The following CYP4F2 variants were observed in gnomAD, a reference collection of about 807,000 sequenced individuals.
CYP4F2 encodes cytochrome P450 family 4 subfamily F member 2, also known as cytochrome P450 4F2.
A neutral mutation model predicts 58.9 loss-of-function variants in CYP4F2; 58 were observed. That is an observed-to-expected ratio of 0.98 (90% CI 0.80 to 1.23). CYP4F2 has a LOEUF of 1.23. Among genes scored for constraint, CYP4F2 ranks in the 50% most tolerant of loss-of-function variants. The probability of loss-of-function intolerance (pLI) is 0.00; values close to 1 mark genes in which losing one functional copy is unlikely to be tolerated. For synonymous variants in CYP4F2, 287 were observed against 261.1 expected, an observed-to-expected ratio of 1.10 and a Z score of -0.95; for missense variants, 616 against 685.6, an observed-to-expected ratio of 0.90 and a Z score of 1.13.
chr19:15,897,413 C>A lies in CYP4F2; in HGVS notation c.198+1G>T. On this transcript the variant is annotated splice_donor_variant, in intron 2 of 12. Transcript: ENST00000221700. LOFTEE classifies it high-confidence loss of function. ...TAGACCCATCCTGCTGCCACACTCA[C>A]CATGCCCTGGTGTCCCCAAAACCAG... 1 of 1,611,226 alleles carries A rather than the reference C, an allele frequency of 6.2e-7. No homozygotes were observed. The highest frequency in any genetic ancestry group is 2.2e-5 in the East Asian group (1 of 44,696).
At chr19:15,888,488 A>T (rs528323364) in intron 7 of CYP4F2, among the ~76,000 whole-genome samples, 1 of 152,334 alleles carries the variant, frequency 6.6e-6, no homozygotes, top group Admixed American at 6.5e-5. Context: ...AAACACAGAC[A>T]CACAAATACA....
chr19:15,890,240 T>C, intron 6 of CYP4F2, 72 bp downstream of exon 6: 1 of 1,610,458 alleles, frequency 6.2e-7, no homozygotes. Flanking sequence ...GTTTCCCTGC[T>C]TAGTCCTCCC....
rs2144999413 is a variant in CYP4F2 at position 15,879,651 on chromosome 19, T to C, written c.1267A>G (p.Ser423Gly). 1 of 1,614,024 alleles carries C rather than the reference T, an allele frequency of 6.2e-7. No individual in the cohort carries two copies. The highest frequency in any genetic ancestry group is 8.5e-7 in the Non-Finnish European group (1 of 1,179,984). ...VIPKGIICLI[S>G]VFGTHHNPAV... ...GGGTTGTGATGGGTTCCGAAAACAC[T>C]GATGAGGCAGATAATGCCTGTGGGA... The change falls in exon 11 of 13, where the codon AGT becomes GGT. Residue 423 changes from serine (S) to glycine (G), a missense_variant. Physicochemically the swap from Ser to Gly is moderately conservative, Grantham distance 56 (BLOSUM62 0). Transcript: ENST00000221700.
intron 9 of CYP4F2, among the ~76,000 whole-genome samples, chr19:15,883,759 A>G (rs2145003119): frequency 6.6e-6 from 1 of 152,298 alleles, no homozygotes; most frequent in Admixed American, 6.5e-5. Flanking sequence ...CATCAACTGA[A>G]TGGATAAAGA....
intron 9 of CYP4F2, among the ~76,000 whole-genome samples, chr19:15,880,936 C>A (rs1321724404): frequency 6.6e-6 from 1 of 152,158 alleles, no homozygotes; most frequent in Non-Finnish European, 1.5e-5. Flanking sequence ...TGCAAATGTT[C>A]TTTGATTCAG....
At chr19:15,892,002 A>G (rs1412207901) in intron 5 of CYP4F2, among the ~76,000 whole-genome samples, 1 of 152,220 alleles carries the variant, frequency 6.6e-6, no homozygotes, top group Admixed American at 6.5e-5. Flanking sequence ...GTGGTTTCTT[A>G]TCAGCAACAG....
At chr19:15,896,233 G>GCTAGCTAT (rs1555775271) in intron 2 of CYP4F2, among the ~76,000 whole-genome samples, 2 of 148,374 alleles carry the variant, frequency 1.3e-5, no homozygotes, top group East Asian at 2.0e-4. Flanking sequence ...TATCCTATTA[G>GCTAGCTAT]CTATCTATCT....
chr19:15,879,763 C>A lies in CYP4F2; in HGVS notation c.1249+1G>T. ...ACTCCTCCCCGTGAGGCTGTGAGCA[C>A]CTTTGGGGATGACCCGGCCGTCTGG... On this transcript the variant is annotated splice_donor_variant, in intron 10 of 12. Transcript: ENST00000221700. LOFTEE classifies it high-confidence loss of function. 1.2e-6 allele frequency: 2 copies of A among 1,614,128 alleles called. No homozygotes were observed. Among genetic ancestry groups the A allele is most frequent in the African/African-American group, 1.3e-5 (1 of 75,042 alleles).
chr19:15,892,286 G>A (rs1375414629), intron 5 of CYP4F2, 23 bp downstream of exon 5: 7 of 1,614,026 alleles, frequency 4.3e-6, no homozygotes, highest in Non-Finnish European at 5.9e-6. Flanking sequence ...CTGCAAGTGG[G>A]ACCTTGGCTT....
chr19:15,885,166 A>G, intron 9 of CYP4F2, among the ~76,000 whole-genome samples: 1 of 146,252 alleles, frequency 6.8e-6, no homozygotes. Flanking sequence ...CAAAGACCCC[A>G]GGCAGTCTTC....
rs3093171 is a variant in CYP4F2 at position 15,885,118 on chromosome 19, G to A, written c.1115+806C>T. Among the ~76,000 whole-genome samples the A allele has an allele frequency of 3.4e-3, 492 of 145,620 alleles. 3 individuals carry two copies. The highest frequency in any genetic ancestry group is 0.012 in the African/African-American group (463 of 39,130). On this transcript the variant is annotated intron_variant, in intron 9 of 12. Transcript: ENST00000221700. ...CTCTCTCCTTCTCTCTCTCTCCCTC[G>A]CTCTCCTCTCTCTCTTCCTCCCTCT...
intron 7 of CYP4F2, 113 bp from the exon 8 acceptor site, chr19:15,886,421 A>G: frequency 7.1e-7 from 1 of 1,410,164 alleles, no homozygotes; most frequent in Non-Finnish European, 9.8e-7. Context: ...TCCTTTTTCC[A>G]GAAATCCAAG....
intron 2 of CYP4F2, among the ~76,000 whole-genome samples, chr19:15,896,858 A>C (rs972958314): frequency 6.6e-5 from 10 of 152,228 alleles, no homozygotes; most frequent in Non-Finnish European, 1.5e-4. Flanking sequence ...AGAAAGGCCA[A>C]GGAAAGCTTC....
chr19:15,893,296 A>G (rs973033665), intron 3 of CYP4F2, among the ~76,000 whole-genome samples: 1 of 151,960 alleles, frequency 6.6e-6, no homozygotes, highest in African/African-American at 2.4e-5. Flanking sequence ...ACCTCACACA[A>G]CCCCCAGACC....
At chr19:15,879,469 C>A (rs1421084850) in intron 11 of CYP4F2, 41 bp from the exon 12 acceptor site, 1 of 1,612,326 alleles carries the variant, frequency 6.2e-7, no homozygotes, top group East Asian at 2.2e-5. Context: ...TGGGGTCTCC[C>A]AGTCCGCCAG....
In CYP4F2 at chr19:15,886,326, A is replaced by AT; in HGVS notation, c.919-19_919-18insA. Reference sequence around the variant, plus strand: ...TCTTCATCCTGGAGAGAAGGCAGTAACCCCCCCCAACCCCCACCCCCATAA... The same window carrying AT: ...TCTTCATCCTGGAGAGAAGGCAGTAATCCCCCCCCAACCCCCACCCCCATAA... On this transcript the variant is annotated intron_variant, in intron 7 of 12. Coordinates refer to ENST00000221700, the MANE Select transcript of CYP4F2 (RefSeq NM_001082.5). The AT allele has an allele frequency of 6.6e-7, 1 of 1,517,110 alleles. No individual in the cohort carries two copies. Among genetic ancestry groups the AT allele is most frequent in the East Asian group, 2.5e-5 (1 of 39,502 alleles). The allele number at this position is 1,517,110 out of a possible 1,614,324, so 94.0% of individuals were successfully genotyped here.
chr19:15,879,890 G>A lies in CYP4F2; in HGVS notation c.1123C>T (p.Leu375=), dbSNP rs371898841. The stretch of plus-strand genomic sequence containing the variant: ...ATGGTCAGGAAGGGCAAATGGGCCA[G>A]GTCGTCCCTAAGGAAACACCCCAGC... ...REPKEIEWDD[L]AHLPFLTMCM... Residue 375 remains leucine, a synonymous_variant, in exon 10 of 13, where the codon CTG becomes TTG. Coordinates refer to ENST00000221700, the MANE Select transcript of CYP4F2 (RefSeq NM_001082.5). 1.8e-5 allele frequency: 29 copies of A among 1,614,074 alleles called. No individual in the cohort carries two copies. Among genetic ancestry groups the A allele is most frequent in the Admixed American group, 3.3e-5 (2 of 60,004 alleles).
chr19:15,879,882 A>C lies in CYP4F2; in HGVS notation c.1131T>G (p.His377Gln), dbSNP rs780450343. 5.6e-6 allele frequency: 9 copies of C among 1,614,072 alleles called. No homozygotes were observed. The African/African-American group carries it at 6.7e-5, about 12-fold the overall frequency. Residue 377 changes from histidine to glutamine, a missense_variant, in exon 10 of 13, where the codon CAT becomes CAG. Physicochemically the swap from His to Gln is conservative, Grantham distance 24 (BLOSUM62 0). Transcript: ENST00000221700. Reference protein sequence around the residue: ...PKEIEWDDLAHLPFLTMCMKE... With the variant: ...PKEIEWDDLAQLPFLTMCMKE... ...TCATGCACATGGTCAGGAAGGGCAA[A>C]TGGGCCAGGTCGTCCCTAAGGAAAC...
intron 3 of CYP4F2, 113 bp from the exon 4 acceptor site, chr19:15,892,695 T>C (rs1361987526): frequency 6.0e-6 from 9 of 1,489,002 alleles, no homozygotes; most frequent in Non-Finnish European, 8.2e-6. Flanking sequence ...GAGCCCCACA[T>C]AGCAGGAAGA....
Sources: gnomAD v4.1 joint callset for allele counts (sites outside exome capture counted in the v4.1 genomes callset) on GRCh38, gnomAD v4.1.1 for gene constraint, MANE v1.5 for transcripts, NCBI Gene and HGNC (gene_info 2026-07-23, HGNC 2026-07-21) for gene names.